Variants in NXPE3 observed in about 807,000 individuals in gnomAD.
NXPE3 encodes the protein NXPE family member 3.
NXPE3 carries 26 observed loss-of-function variants against 46.1 expected under a neutral mutation model. That is an observed-to-expected ratio of 0.56 (90% CI 0.41 to 0.78). The LOEUF is 0.78. NXPE3 is among the 30% of genes least tolerant of loss of function. The probability of loss-of-function intolerance (pLI) is 0.00; values close to 1 mark genes in which losing one functional copy is unlikely to be tolerated. For synonymous variants in NXPE3, 272 were observed against 257.9 expected, an observed-to-expected ratio of 1.05 and a Z score of -0.52; for missense variants, 620 against 686.0, an observed-to-expected ratio of 0.90 and a Z score of 1.07.
intron 4 of NXPE3, among the ~76,000 whole-genome samples, chr3:101,794,849 C>A (rs984170372): frequency 1.4e-4 from 21 of 152,142 alleles, no homozygotes; most frequent in African/African-American, 5.1e-4. Flanking sequence ...TACTTAATGC[C>A]AGCTAAAGGC....
At chr3:101,810,857 C>T (rs1156761573) in intron 6 of NXPE3, among the ~76,000 whole-genome samples, 1 of 151,812 alleles carries the variant, frequency 6.6e-6, no homozygotes, top group East Asian at 1.9e-4. Context: ...GAGACAGAGT[C>T]TTGCTCTGTT....
At chr3:101,780,286 A>T (rs1052786759) in intron 1 of NXPE3, among the ~76,000 whole-genome samples, 1 of 151,152 alleles carries the variant, frequency 6.6e-6, no homozygotes, top group Non-Finnish European at 1.5e-5. Context: ...TTTGTTTAGT[A>T]TTTTTTTTTC....
Position 101,825,117 on chromosome 3 carries a change from A to T in NXPE3, c.*3163A>T, listed in dbSNP as rs1260754571. 6.6e-6 allele frequency: 1 copy of T among 152,050 alleles called. No individual in the cohort carries two copies. The highest frequency in any genetic ancestry group is 1.5e-5 in the Non-Finnish European group (1 of 68,008). 9.4% of individuals were successfully genotyped at this position (152,050 alleles called of 1,614,324 possible). A position where few individuals can be genotyped will look rare whatever the true frequency, so the allele number is the denominator to read the frequency against. ...TCATCACCCAGGTGTTAAGCCTAGT[A>T]CCCATTAGTAATTTTTCCTGATCCT... On this transcript the variant is annotated 3_prime_UTR_variant, in exon 8 of 8. Coordinates refer to ENST00000273347, the MANE Select transcript of NXPE3 (RefSeq NM_145037.4).
chr3:101,803,130 A>AT (rs995363029), intron 5 of NXPE3, among the ~76,000 whole-genome samples: 1 of 152,142 alleles, frequency 6.6e-6, no homozygotes, highest in East Asian at 1.9e-4. Flanking sequence ...GGTAGAGAGA[A>AT]TTTTTTTGTT....
intron 5 of NXPE3, among the ~76,000 whole-genome samples, chr3:101,805,576 G>A (rs1275921671): frequency 1.3e-5 from 2 of 151,972 alleles, no homozygotes; most frequent in Non-Finnish European, 2.9e-5. Context: ...GTAGCTGGGA[G>A]TACTAGGCAC....
At chr3:101,820,016 T>A (rs916927287) in intron 7 of NXPE3, among the ~76,000 whole-genome samples, 4 of 133,406 alleles carry the variant, frequency 3.0e-5, no homozygotes, top group Non-Finnish European at 6.8e-5. Context: ...GACATCTGTG[T>A]GTGGCTTATT....
chr3:101,805,279 A>AT (rs1941359300), intron 5 of NXPE3, among the ~76,000 whole-genome samples: 1 of 152,210 alleles, frequency 6.6e-6, no homozygotes, highest in Non-Finnish European at 1.5e-5. Flanking sequence ...AGTTGTCCCA[A>AT]TAATGACTTC....
At chr3:101,808,818 G>GAGATAT (rs1313213746) in intron 6 of NXPE3, among the ~76,000 whole-genome samples, 6 of 30,814 alleles carry the variant, frequency 1.9e-4, no homozygotes, top group African/African-American at 7.0e-4. Context: ...AATTTTAGAG[G>GAGATAT]ATATATATAT....
In NXPE3 at chr3:101,821,449, T is replaced by C. The variant is rs758213453; in HGVS notation, c.1175T>C (p.Phe392Ser). The change falls in exon 8 of 8, where the codon TTC becomes TCC. Residue 392 changes from phenylalanine (F) to serine (S), a missense_variant. This residue lies in a region of NXPE3 where 511 missense variants were observed against 528.6 expected (regional missense o/e 0.97). Coordinates refer to ENST00000273347, the MANE Select transcript of NXPE3 (RefSeq NM_145037.4). ...GGTAGTCCCAAGAATGTGGGTCCCT[T>C]CCTTGCAGTGGACCAGAAGCACAAC... ...NLGSPKNVGP[F>S]LAVDQKHNIL... The C allele has an allele frequency of 7.0e-5, 113 of 1,614,204 alleles. No homozygotes were observed. Among genetic ancestry groups the C allele is most frequent in the Non-Finnish European group, 9.6e-5 (113 of 1,180,038 alleles).
rs1015501363 is a variant in NXPE3 at position 101,825,530 on chromosome 3, A to G, written c.*3576A>G. The G allele has an allele frequency of 1.3e-5, 2 of 152,220 alleles. No homozygotes were observed. The highest frequency in any genetic ancestry group is 1.9e-4 in the East Asian group (1 of 5,204). 9.4% of individuals were successfully genotyped at this position (152,220 alleles called of 1,614,324 possible). A position where few individuals can be genotyped will look rare whatever the true frequency, so the allele number is the denominator to read the frequency against. The stretch of plus-strand genomic sequence containing the variant: ...ATCTATGGATAAAATCCATAATTCT[A>G]TCATCTGAATGCAATGAACATTAGC... On this transcript the variant is annotated 3_prime_UTR_variant, in exon 8 of 8. Coordinates refer to ENST00000273347, the MANE Select transcript of NXPE3 (RefSeq NM_145037.4).
intron 4 of NXPE3, among the ~76,000 whole-genome samples, chr3:101,793,823 G>A (rs1940664551): frequency 6.6e-6 from 1 of 151,658 alleles, no homozygotes; most frequent in Non-Finnish European, 1.5e-5. Context: ...ACTTGAGTGG[G>A]ACTGTCTGTA....
intron 6 of NXPE3, among the ~76,000 whole-genome samples, chr3:101,807,915 C>G (rs547339904): frequency 6.6e-6 from 1 of 151,862 alleles, no homozygotes; most frequent in South Asian, 2.1e-4. Context: ...ATGTTTAAAT[C>G]ATCACAAAAA....
At chr3:101,819,863 T>G (rs1445625331) in intron 7 of NXPE3, among the ~76,000 whole-genome samples, 2 of 152,246 alleles carry the variant, frequency 1.3e-5, no homozygotes, top group Non-Finnish European at 2.9e-5. Context: ...ATTTTCCTTC[T>G]GAGACCTTGA....
At chr3:101,806,040 T>C (rs1941402807) in intron 5 of NXPE3, among the ~76,000 whole-genome samples, 1 of 152,196 alleles carries the variant, frequency 6.6e-6, no homozygotes, top group South Asian at 2.1e-4. Context: ...TGGCCAGGCC[T>C]GTACACTTCC....
chr3:101,803,327 A>G (rs972737755), intron 5 of NXPE3, among the ~76,000 whole-genome samples: 90 of 152,206 alleles, frequency 5.9e-4, no homozygotes, highest in African/African-American at 2.1e-3. Context: ...GATTATGTAC[A>G]TATGTAGTGG....
At chr3:101,784,316 CAGCAGAGA>C (rs1282322237) in intron 3 of NXPE3, among the ~76,000 whole-genome samples, 1 of 152,028 alleles carries the variant, frequency 6.6e-6, no homozygotes, top group African/African-American at 2.4e-5. Flanking sequence ...AAATAGAGAT[CAGCAGAGA>C]AGTGAAAATA....
At chr3:101,813,066 T>C (rs1201650984) in intron 6 of NXPE3, among the ~76,000 whole-genome samples, 1 of 152,130 alleles carries the variant, frequency 6.6e-6, no homozygotes, top group African/African-American at 2.4e-5. Flanking sequence ...GCCCTTCTCA[T>C]ATTCCCAGCA....
At chr3:101,805,524 G>T (rs1190436745) in intron 5 of NXPE3, among the ~76,000 whole-genome samples, 4 of 151,374 alleles carry the variant, frequency 2.6e-5, no homozygotes, top group African/African-American at 9.7e-5. Flanking sequence ...CAGCTCACTT[G>T]ACTTCCTGGG....
chr3:101,782,881 CA>C (rs1487246532), intron 3 of NXPE3, 101 bp downstream of exon 3: 1 of 152,186 alleles, frequency 6.6e-6, no homozygotes, highest in Non-Finnish European at 1.5e-5. Flanking sequence ...CTCCTGGTCT[CA>C]AGCAAACCTC....
Sources: allele counts gnomAD v4.1 joint callset (sites outside exome capture counted in the v4.1 genomes callset), GRCh38; gene constraint gnomAD v4.1.1; regional missense constraint gnomAD v4.1.1; transcripts MANE v1.5; gene names NCBI Gene and HGNC (gene_info 2026-07-23, HGNC 2026-07-21).